GRIK2: variants seen among roughly 807,000 people sequenced by gnomAD.
GRIK2 encodes glutamate ionotropic receptor kainate type subunit 2, also known as glutamate receptor ionotropic, kainate 2.
In GRIK2, 32 loss-of-function variants were observed where a neutral mutation model predicts 100.3. The ratio of observed to expected loss-of-function variants is 0.32; its 90% CI spans 0.24 to 0.43. The LOEUF is 0.43. Among genes scored for constraint, GRIK2 ranks in the 20% least tolerant of loss-of-function variants. GRIK2 has a pLI of 1.00. For synonymous variants in GRIK2, 417 were observed against 389.4 expected (o/e 1.07, Z -0.83); for missense variants, 843 against 1,114.9 (o/e 0.76, Z 3.47).
intron 2 of GRIK2, among the ~76,000 whole-genome samples, chr6:101,588,668 G>GCACACA (rs554114141): frequency 3.5e-5 from 5 of 143,126 alleles, no homozygotes; most frequent in East Asian, 2.0e-4. Flanking sequence ...ACACGCACAC[G>GCACACA]CACACACACA....
At chr6:101,493,950 T>A (rs1773278772) in intron 2 of GRIK2, among the ~76,000 whole-genome samples, 1 of 139,896 alleles carries the variant, frequency 7.1e-6, no homozygotes. Context: ...TATTTATATA[T>A]AATATATATA....
At chr6:101,896,793 G>T (rs1276651205) in intron 12 of GRIK2, among the ~76,000 whole-genome samples, 1 of 151,634 alleles carries the variant, frequency 6.6e-6, no homozygotes, top group Non-Finnish European at 1.5e-5. Context: ...CATCTGTGAT[G>T]ATTTGTTTCC....
chr6:101,430,184 G>T (rs1323110456), intron 2 of GRIK2, among the ~76,000 whole-genome samples: 2 of 152,146 alleles, frequency 1.3e-5, no homozygotes, highest in Non-Finnish European at 2.9e-5. Context: ...TGTACTAAGG[G>T]TTTAAATCCA....
At chr6:101,580,756 C>T (rs1231947231) in intron 2 of GRIK2, among the ~76,000 whole-genome samples, 1 of 152,038 alleles carries the variant, frequency 6.6e-6, no homozygotes, top group Non-Finnish European at 1.5e-5. Flanking sequence ...CTTGGAAATG[C>T]CAGGCATGCT....
intron 10 of GRIK2, among the ~76,000 whole-genome samples, chr6:101,834,399 C>A (rs188078241): frequency 6.6e-6 from 1 of 151,360 alleles, no homozygotes; most frequent in Non-Finnish European, 1.5e-5. Flanking sequence ...TTTTTTGGAG[C>A]GTCTATTTCC....
chr6:101,924,161 C>T (rs775565260), intron 12 of GRIK2, among the ~76,000 whole-genome samples: 3 of 151,990 alleles, frequency 2.0e-5, no homozygotes, highest in East Asian at 1.9e-4. Context: ...TTGGTGGTTT[C>T]TATTATAGCA....
intron 10 of GRIK2, among the ~76,000 whole-genome samples, chr6:101,829,476 G>T (rs938891109): frequency 6.6e-5 from 10 of 151,864 alleles, no homozygotes; most frequent in African/African-American, 2.4e-4. Context: ...CTGAATTTAT[G>T]ATTTTATACC....
rs769654913 is a variant in GRIK2, at chr6:101,686,315, C to T, written c.913C>T (p.Pro305Ser). The change falls in exon 7 of 17, where the codon CCG becomes TCG. Residue 305 changes from proline to serine, a missense_variant. Transcript: ENST00000369134. ...KWSMERLQAPPKPDSGLLDGF... is the reference protein window; with the variant it reads ...KWSMERLQAPSKPDSGLLDGF... The stretch of plus-strand genomic sequence containing the variant: ...GTCGATGGAACGATTGCAGGCACCT[C>T]CGAAACCCGATTCAGGTTTGCTGGA... The T allele has an allele frequency of 1.2e-6, 2 of 1,613,494 alleles. No individual in the cohort carries two copies. Among genetic ancestry groups the T allele is most frequent in the South Asian group, 2.2e-5 (2 of 91,058 alleles).
intron 2 of GRIK2, among the ~76,000 whole-genome samples, chr6:101,454,474 G>C (rs914541098): frequency 2.6e-5 from 4 of 152,134 alleles, no homozygotes; most frequent in African/African-American, 7.2e-5. Flanking sequence ...GTCAGGGGAA[G>C]AACCCATTAA....
intron 14 of GRIK2, among the ~76,000 whole-genome samples, chr6:102,031,611 C>G (rs1770005444): frequency 6.6e-6 from 1 of 150,980 alleles, no homozygotes; most frequent in Admixed American, 6.6e-5. Flanking sequence ...CAACCGTTGC[C>G]CCCATCATCT....
At chr6:101,438,309 T>C (rs1050689308) in intron 2 of GRIK2, among the ~76,000 whole-genome samples, 2 of 152,102 alleles carry the variant, frequency 1.3e-5, no homozygotes, top group Admixed American at 6.6e-5. Flanking sequence ...TTTGTCTTGA[T>C]CTTAGCCAAC....
intron 7 of GRIK2, among the ~76,000 whole-genome samples, chr6:101,746,261 G>A (rs997399805): frequency 1.3e-5 from 2 of 152,170 alleles, no homozygotes; most frequent in African/African-American, 4.8e-5. Context: ...ACCAGGTAGT[G>A]TATATCATCC....
chr6:101,583,304 G>A (rs1456586165), intron 2 of GRIK2, among the ~76,000 whole-genome samples: 1 of 152,132 alleles, frequency 6.6e-6, no homozygotes, highest in Non-Finnish European at 1.5e-5. Flanking sequence ...TAATGAAGGT[G>A]TCATAAAGTC....
At chr6:101,484,879 A>G (rs574763193) in intron 2 of GRIK2, among the ~76,000 whole-genome samples, 33 of 152,312 alleles carry the variant, frequency 2.2e-4, no homozygotes, top group African/African-American at 7.7e-4. Flanking sequence ...TGCTTCTATT[A>G]TTGACAAATA....
At chr6:102,006,089 T>C (rs970057401) in intron 14 of GRIK2, among the ~76,000 whole-genome samples, 3 of 151,992 alleles carry the variant, frequency 2.0e-5, no homozygotes, top group Non-Finnish European at 4.4e-5. Flanking sequence ...TTCTCAGGTA[T>C]TGAGGGTTAG....
At position 101,898,970 on chromosome 6, in the gene GRIK2, C is replaced by G. The variant is rs114692514; in HGVS notation, c.1748+9107C>G. Among the ~76,000 whole-genome samples, 1,203 of 151,962 alleles carry G rather than the reference C, an allele frequency of 7.9e-3. 22 individuals are homozygous for G. The highest frequency in any genetic ancestry group is 0.027 in the African/African-American group (1,138 of 41,524). On this transcript the variant is annotated intron_variant, in intron 12 of 16. Coordinates refer to ENST00000369134, the MANE Select transcript of GRIK2 (RefSeq NM_021956.5). ...AGTGTAACTTCATTCATTAGAGCATCTCACAACACCTTAATTGCTATAATT... is the reference window on the plus strand; with the variant it reads ...AGTGTAACTTCATTCATTAGAGCATGTCACAACACCTTAATTGCTATAATT...
chr6:101,869,371 T>C (rs546711938), intron 11 of GRIK2, among the ~76,000 whole-genome samples: 25 of 152,040 alleles, frequency 1.6e-4, no homozygotes, highest in Admixed American at 1.2e-3. Context: ...AATATGTAAT[T>C]ACACTAACAT....
intron 9 of GRIK2, among the ~76,000 whole-genome samples, chr6:101,813,834 G>A (rs1188019751): frequency 6.6e-6 from 1 of 151,882 alleles, no homozygotes; most frequent in Admixed American, 6.6e-5. Context: ...ATGGTAGTGG[G>A]TGCCTGTAAT....
intron 12 of GRIK2, among the ~76,000 whole-genome samples, chr6:101,915,640 T>C (rs1309788841): frequency 6.6e-6 from 1 of 151,406 alleles, no homozygotes; most frequent in East Asian, 1.9e-4. Flanking sequence ...TACAGAAGAT[T>C]CTTGTAGTGA....
Sources: gnomAD v4.1 joint callset for allele counts (sites outside exome capture counted in the v4.1 genomes callset) on GRCh38, gnomAD v4.1.1 for gene constraint, MANE v1.5 for transcripts, NCBI Gene and HGNC (gene_info 2026-07-23, HGNC 2026-07-21) for gene names.